Variants in EPHA5 observed in about 807,000 individuals in gnomAD.
EPHA5 encodes the protein EPH receptor A5.
EPHA5 carries 60 observed loss-of-function variants against 105.0 expected under a neutral mutation model. The observed-to-expected ratio is 0.57, with a 90% CI of 0.46 to 0.71. EPHA5 has a LOEUF of 0.71. Ranked by LOEUF, EPHA5 falls within the 30% of genes least tolerant of loss-of-function variation. EPHA5 has a pLI of 0.00. For missense variants in EPHA5, 1,218 were observed against 1,274.7 expected (o/e 0.96, Z 0.68); for synonymous variants, 513 against 449.1 (o/e 1.14, Z -1.80).
rs186729604 is a variant in EPHA5 at position 65,542,739 on chromosome 4, G to A, written c.911-47196C>T. Among the ~76,000 whole-genome samples the A allele has an allele frequency of 4.2e-4, 62 of 146,210 alleles. No homozygotes were observed. The South Asian group carries it at 0.013, about 32-fold the overall frequency. On this transcript the variant is annotated intron_variant, in intron 3 of 16. Coordinates refer to ENST00000613740, the MANE Select transcript of EPHA5 (RefSeq NM_001281766.3). ...CATTTTATGGGGCCAGCATCATCTTGATACCAAAACCTGGCAGAGACACAA... is the reference window on the plus strand; with the variant it reads ...CATTTTATGGGGCCAGCATCATCTTAATACCAAAACCTGGCAGAGACACAA...
At chr4:65,420,098 C>CA (rs1277520880) in intron 6 of EPHA5, among the ~76,000 whole-genome samples, 1 of 152,104 alleles carries the variant, frequency 6.6e-6, no homozygotes, top group East Asian at 1.9e-4. Flanking sequence ...CATAAGCACA[C>CA]ATTTCTCTGT....
At chr4:65,503,944 CAT>C (rs1275077094) in intron 3 of EPHA5, among the ~76,000 whole-genome samples, 3 of 141,156 alleles carry the variant, frequency 2.1e-5, no homozygotes, top group East Asian at 2.1e-4. Flanking sequence ...CACACACACA[CAT>C]ATATTTAACC....
intron 8 of EPHA5, among the ~76,000 whole-genome samples, chr4:65,384,091 G>A (rs1719852494): frequency 6.6e-6 from 1 of 151,872 alleles, no homozygotes; most frequent in Non-Finnish European, 1.5e-5. Context: ...ATGAGGTTGT[G>A]CAGGGACACA....
chr4:65,477,310 G>T (rs563295322), intron 5 of EPHA5, among the ~76,000 whole-genome samples: 8 of 152,256 alleles, frequency 5.3e-5, no homozygotes, highest in African/African-American at 1.9e-4. Context: ...ATGATTCAGA[G>T]CATTCTGGCT....
chr4:65,625,683 A>G (rs1746074225), intron 2 of EPHA5, among the ~76,000 whole-genome samples: 1 of 152,248 alleles, frequency 6.6e-6, no homozygotes, highest in Admixed American at 6.5e-5. Flanking sequence ...GATAAGAAAT[A>G]GTCCACAACA....
At chr4:65,509,185 T>C (rs1306461659) in intron 3 of EPHA5, among the ~76,000 whole-genome samples, 1 of 152,174 alleles carries the variant, frequency 6.6e-6, no homozygotes, top group East Asian at 1.9e-4. Context: ...CATACTTCTT[T>C]ACTTACAGAA....
chr4:65,657,357 G>T (rs1412254735), intron 1 of EPHA5, among the ~76,000 whole-genome samples: 1 of 152,152 alleles, frequency 6.6e-6, no homozygotes, highest in Admixed American at 6.6e-5. Context: ...CTGTTCAAGT[G>T]ATATGAATTC....
chr4:65,343,899 T>A (rs1395224660), intron 14 of EPHA5, among the ~76,000 whole-genome samples: 1 of 152,134 alleles, frequency 6.6e-6, no homozygotes, highest in African/African-American at 2.4e-5. Flanking sequence ...CATAAGCAAT[T>A]TCTAGTGTTT....
At chr4:65,335,322 C>T (rs866240121) in intron 15 of EPHA5, among the ~76,000 whole-genome samples, 30 of 152,056 alleles carry the variant, frequency 2.0e-4, no homozygotes, top group African/African-American at 6.7e-4. Flanking sequence ...TAAATGCATT[C>T]ATGTGCTATT....
chr4:65,644,497 C>A (rs1003836440), intron 1 of EPHA5, among the ~76,000 whole-genome samples: 3 of 151,950 alleles, frequency 2.0e-5, no homozygotes, highest in African/African-American at 7.2e-5. Flanking sequence ...AAGCTGTATT[C>A]AAAAGCCAGT....
At chr4:65,369,750 C>G (rs772091886) in intron 8 of EPHA5, among the ~76,000 whole-genome samples, 2 of 151,894 alleles carry the variant, frequency 1.3e-5, no homozygotes, top group Non-Finnish European at 2.9e-5. Flanking sequence ...GGCAGATCCA[C>G]GAGGTCAGGA....
At chr4:65,607,313 G>A (rs1287079934) in intron 2 of EPHA5, among the ~76,000 whole-genome samples, 1 of 151,814 alleles carries the variant, frequency 6.6e-6, no homozygotes, top group African/African-American at 2.4e-5. Context: ...GGCAACAAAA[G>A]CCCCAAATTG....
At chr4:65,604,144 A>G (rs1291781051) in intron 2 of EPHA5, among the ~76,000 whole-genome samples, 1 of 6,188 alleles carries the variant, frequency 1.6e-4, no homozygotes, top group Non-Finnish European at 6.4e-4. Flanking sequence ...TTTCTGGACA[A>G]TATATTCTAG....
chr4:65,549,466 T>A (rs1415933847), intron 3 of EPHA5, among the ~76,000 whole-genome samples: 1 of 152,130 alleles, frequency 6.6e-6, no homozygotes, highest in African/African-American at 2.4e-5. Context: ...TGATAATATG[T>A]GTTGTTTGAA....
At chr4:65,508,781 G>T (rs1411578207) in intron 3 of EPHA5, among the ~76,000 whole-genome samples, 3 of 151,766 alleles carry the variant, frequency 2.0e-5, no homozygotes, top group Admixed American at 2.0e-4. Flanking sequence ...TATAGATAAA[G>T]GTTTTCACAC....
At chr4:65,628,718 G>A (rs925111857) in intron 2 of EPHA5, among the ~76,000 whole-genome samples, 5 of 152,118 alleles carry the variant, frequency 3.3e-5, no homozygotes, top group African/African-American at 7.2e-5. Flanking sequence ...TATACTCATG[G>A]TTATGTCTTT....
chr4:65,458,282 A>G (rs902876249), intron 5 of EPHA5, among the ~76,000 whole-genome samples: 1 of 152,094 alleles, frequency 6.6e-6, no homozygotes, highest in African/African-American at 2.4e-5. Context: ...ATTAAATGAA[A>G]TATTTATATT....
At position 65,500,177 on chromosome 4, in the gene EPHA5, G is replaced by A. The variant is rs547118591; in HGVS notation, c.911-4634C>T. Among the ~76,000 whole-genome samples the A allele has an allele frequency of 1.3e-4, 19 of 151,280 alleles. No homozygotes were observed. The South Asian group carries it at 2.7e-3, about 22-fold the overall frequency. On this transcript the variant is annotated intron_variant, in intron 3 of 16. Coordinates refer to ENST00000613740, the MANE Select transcript of EPHA5 (RefSeq NM_001281766.3). ...CCAAAATGGTTTATTAAAAATAAACGAAGCTTCTGGAGCAAACTTGTTTCA... is the reference window on the plus strand; with the variant it reads ...CCAAAATGGTTTATTAAAAATAAACAAAGCTTCTGGAGCAAACTTGTTTCA...
At chr4:65,645,806 G>C (rs577257299) in intron 1 of EPHA5, among the ~76,000 whole-genome samples, 34 of 152,080 alleles carry the variant, frequency 2.2e-4, no homozygotes, top group African/African-American at 7.9e-4. Context: ...TTCGTATATA[G>C]ACTAGGAAAT....
Sources: gnomAD v4.1 joint callset for allele counts (sites outside exome capture counted in the v4.1 genomes callset) on GRCh38, gnomAD v4.1.1 for gene constraint, MANE v1.5 for transcripts, NCBI Gene and HGNC (gene_info 2026-07-23, HGNC 2026-07-21) for gene names.